PDE1C: variants seen among roughly 807,000 people sequenced by gnomAD.
The protein encoded by PDE1C is phosphodiesterase 1C, also known as dual specificity calcium/calmodulin-dependent 3',5'-cyclic nucleotide phosphodiesterase 1C.
PDE1C carries 62 observed loss-of-function variants against 93.1 expected under a neutral mutation model. The ratio of observed to expected loss-of-function variants is 0.67; its 90% confidence interval spans 0.54 to 0.82. The LOEUF (loss-of-function observed/expected upper bound fraction) is 0.82, where lower values mean the gene tolerates loss of function less well. PDE1C is among the 40% of genes least tolerant of loss of function. The probability of loss-of-function intolerance (pLI) is 0.00; values close to 1 mark genes in which losing one functional copy is unlikely to be tolerated. For missense variants in PDE1C, 742 were observed against 884.6 expected (o/e 0.84, Z 2.04); for synonymous variants, 325 against 310.1 (o/e 1.05, Z -0.50).
chr7:32,082,791 T>G, intron 3 of PDE1C, among the ~76,000 whole-genome samples: 1 of 152,094 alleles, frequency 6.6e-6, no homozygotes, highest in East Asian at 1.9e-4. Flanking sequence ...CAGCTGAGGG[T>G]CCTGTCTATT....
intron 6 of PDE1C, among the ~76,000 whole-genome samples, chr7:31,868,152 T>C (rs1795519145): frequency 6.6e-6 from 1 of 152,196 alleles, no homozygotes; most frequent in Non-Finnish European, 1.5e-5. Context: ...AGCAAGGAAA[T>C]ATGACACTTC....
chr7:31,628,026 G>A, the PDE1C span, among the ~76,000 whole-genome samples: 6 of 152,138 alleles, frequency 3.9e-5, no homozygotes, highest in Non-Finnish European at 5.9e-5. Context: ...GTTAATAAGA[G>A]CAGAAAGTCT....
intron 3 of PDE1C, among the ~76,000 whole-genome samples, chr7:32,151,811 G>A (rs1370860499): frequency 6.6e-6 from 1 of 152,152 alleles, no homozygotes; most frequent in African/African-American, 2.4e-5. Flanking sequence ...ATTTTTGAGG[G>A]TAATGGTTCA....
intron 15 of PDE1C, among the ~76,000 whole-genome samples, chr7:31,814,317 T>G (rs1363277697): frequency 6.6e-6 from 1 of 152,034 alleles, no homozygotes; most frequent in Admixed American, 6.6e-5. Context: ...TTATAACTTT[T>G]TTTTCCAGAC....
At chr7:32,104,983 C>T (rs560691138) in intron 3 of PDE1C, among the ~76,000 whole-genome samples, 1 of 152,210 alleles carries the variant, frequency 6.6e-6, no homozygotes, top group East Asian at 1.9e-4. Context: ...TTTTTAGCTC[C>T]AAGAACCTGC....
Position 31,850,043 on chromosome 7 carries a change from C to T in PDE1C, c.851+598G>A, listed in dbSNP as rs138402230. ...TTGGACCCATATTTAATGTCTCCGA[C>T]GGGAGGTTTGTGATTACCTGTGCAG... On this transcript the variant is annotated intron_variant, in intron 8 of 17. Transcript: ENST00000396191. 2.1e-3 allele frequency among the ~76,000 whole-genome samples: 322 copies of T among 152,106 alleles called. 1 individual carries two copies. The highest frequency in any genetic ancestry group is 6.8e-3 in the Middle Eastern group (2 of 294).
the PDE1C span, among the ~76,000 whole-genome samples, chr7:31,681,414 T>A: frequency 6.6e-6 from 1 of 151,572 alleles, no homozygotes; most frequent in East Asian, 1.9e-4. Flanking sequence ...GATGGATGGA[T>A]GAATATGCTA....
intron 1 of PDE1C, among the ~76,000 whole-genome samples, chr7:32,314,675 G>T (rs1428010664): frequency 6.6e-6 from 1 of 152,066 alleles, no homozygotes; most frequent in Non-Finnish European, 1.5e-5. Context: ...TCTTACTGTG[G>T]TTCTTAAATC....
intron 1 of PDE1C, among the ~76,000 whole-genome samples, chr7:32,218,405 C>T (rs1266808173): frequency 6.6e-6 from 1 of 152,234 alleles, no homozygotes; most frequent in African/African-American, 2.4e-5. Flanking sequence ...CCAGACCCTT[C>T]TCTCCTAGAG....
chr7:32,312,085 A>C (rs1384989214), intron 1 of PDE1C, among the ~76,000 whole-genome samples: 1 of 151,518 alleles, frequency 6.6e-6, no homozygotes, highest in East Asian at 1.9e-4. Flanking sequence ...ATGTACAAAA[A>C]TCACAAGCAT....
At chr7:31,976,585 C>T (rs1479492374) in intron 2 of PDE1C, among the ~76,000 whole-genome samples, 1 of 152,164 alleles carries the variant, frequency 6.6e-6, no homozygotes, top group Non-Finnish European at 1.5e-5. Context: ...AAACTATCAA[C>T]AAACATTGGA....
intron 3 of PDE1C, among the ~76,000 whole-genome samples, chr7:32,104,053 G>A (rs1307775703): frequency 2.6e-5 from 4 of 152,074 alleles, no homozygotes; most frequent in Admixed American, 1.3e-4. Flanking sequence ...AATCAATTAC[G>A]CTCAGACATC....
At chr7:32,003,301 C>G (rs1431171969) in intron 2 of PDE1C, among the ~76,000 whole-genome samples, 1 of 152,204 alleles carries the variant, frequency 6.6e-6, no homozygotes, top group South Asian at 2.1e-4. Flanking sequence ...TTTCCAGGAA[C>G]TATGATAGAA....
intron 1 of PDE1C, among the ~76,000 whole-genome samples, chr7:32,381,288 T>C (rs1784529155): frequency 6.6e-6 from 1 of 151,872 alleles, no homozygotes; most frequent in Non-Finnish European, 1.5e-5. Context: ...TTGGCCCCGT[T>C]TCCCTTACCT....
At chr7:31,784,865 T>C (rs1050057968) in intron 16 of PDE1C, 11 of 152,196 alleles carry the variant, frequency 7.2e-5, no homozygotes, top group Non-Finnish European at 1.5e-4. Context: ...ACAATACCTA[T>C]GGCTGTAGGT....
At chr7:31,850,770 A>C in intron 7 of PDE1C, 29 bp from the exon 8 acceptor site, 1 of 1,496,962 alleles carries the variant, frequency 6.7e-7, no homozygotes, top group Non-Finnish European at 9.3e-7. Context: ...GCAATCAGAT[A>C]ATCTGTTTCT....
At chr7:32,240,369 C>G (rs1481509152) in intron 1 of PDE1C, among the ~76,000 whole-genome samples, 1 of 152,138 alleles carries the variant, frequency 6.6e-6, no homozygotes, top group Non-Finnish European at 1.5e-5. Context: ...AGGGATTCAA[C>G]AGTGAACAAA....
chr7:32,094,612 G>A lies in PDE1C; in HGVS notation c.308+75173C>T, dbSNP rs57519896. ...GAGTGCCAACCAAACAACTAAATCT[G>A]AGTCCCAAGCTCTATCATTATTTCT... is the stretch of plus-strand genomic sequence containing the variant. On this transcript the variant is annotated intron_variant, in intron 3 of 18. Transcript: ENST00000396193. 5.4e-3 allele frequency among the ~76,000 whole-genome samples: 827 copies of A among 152,276 alleles called. 8 individuals carry two copies. Among genetic ancestry groups the A allele is most frequent in the African/African-American group, 0.018 (740 of 41,560 alleles).
chr7:32,139,726 C>T (rs1204560970), intron 3 of PDE1C, among the ~76,000 whole-genome samples: 1 of 152,130 alleles, frequency 6.6e-6, no homozygotes, highest in Non-Finnish European at 1.5e-5. Context: ...TAATTTTAGC[C>T]AATGAGACAT....
Sources: allele counts gnomAD v4.1 joint callset (sites outside exome capture counted in the v4.1 genomes callset), GRCh38; gene constraint gnomAD v4.1.1; transcripts MANE v1.5; gene names NCBI Gene and HGNC (gene_info 2026-07-23, HGNC 2026-07-21).